The following EYS variants were observed in gnomAD, a reference collection of about 807,000 sequenced individuals.
The protein encoded by EYS is EGF-like photoreceptor maintenance factor.
Under a neutral mutation model 282.1 loss-of-function variants are expected in EYS, and 250 were observed. The ratio of observed to expected loss-of-function variants is 0.89; its 90% CI spans 0.80 to 0.98. EYS has a LOEUF of 0.98. Among genes scored for constraint, EYS ranks in the 50% least tolerant of loss-of-function variants. The pLI is 0.00. For synonymous variants in EYS, 1,355 were observed against 1,282.9 expected, an observed-to-expected ratio of 1.06 and a Z score of -1.20; for missense variants, 4,016 against 3,709.0, an observed-to-expected ratio of 1.08 and a Z score of -2.15.
chr6:63,729,180 G>A (rs1768715391), intron 41 of EYS, among the ~76,000 whole-genome samples: 1 of 152,022 alleles, frequency 6.6e-6, no homozygotes, highest in Non-Finnish European at 1.5e-5. Context: ...GTTAATTTTT[G>A]TGTTGAATTT....
intron 19 of EYS, among the ~76,000 whole-genome samples, chr6:64,847,007 C>A (rs1303996846): frequency 9.8e-6 from 1 of 102,344 alleles, no homozygotes; most frequent in African/African-American, 3.1e-5. Context: ...TATTATCCTC[C>A]CCAGTGTGAA....
chr6:63,976,871 A>C (rs943575718), intron 35 of EYS, among the ~76,000 whole-genome samples: 2 of 152,026 alleles, frequency 1.3e-5, no homozygotes, highest in African/African-American at 4.8e-5. Context: ...TAACCAAAAA[A>C]ATTTTACAGA....
Position 64,246,341 on chromosome 6 carries a change from C to T in EYS, c.6192-15517G>A, listed in dbSNP as rs183894781. ...GCTGGATATTTTTTTAGTTGCCATA[C>T]TACCTGAAATGGAAGTCACAGTTAT... On this transcript the variant is annotated intron_variant, in intron 30 of 42. Coordinates refer to ENST00000503581, the MANE Select transcript of EYS (RefSeq NM_001142800.2). Among the ~76,000 whole-genome samples, 254 of 152,090 alleles carry T rather than the reference C, an allele frequency of 1.7e-3. 1 individual carries two copies. Among genetic ancestry groups the T allele is most frequent in the Non-Finnish European group, 3.0e-3 (203 of 67,994 alleles).
Position 64,618,371 on chromosome 6 carries a change from A to T in EYS, c.3569-838T>A, listed in dbSNP as rs80309940. 7.6e-4 allele frequency among the ~76,000 whole-genome samples: 116 copies of T among 152,208 alleles called. No homozygotes were observed. The East Asian group carries it at 0.015, about 20-fold the overall frequency. The stretch of plus-strand genomic sequence containing the variant: ...GCTAGCCACAACATCATGTTAACCT[A>T]AGTATACCCTTCCACATAGGGACAA... On this transcript the variant is annotated intron_variant, in intron 23 of 42. Transcript: ENST00000503581.
intron 28 of EYS, among the ~76,000 whole-genome samples, chr6:64,420,816 T>C (rs980010874): frequency 4.6e-5 from 7 of 152,180 alleles, no homozygotes; most frequent in African/African-American, 7.2e-5. Context: ...CAATAAGTTC[T>C]TCCTCTCCAT....
intron 19 of EYS, among the ~76,000 whole-genome samples, chr6:64,873,410 T>C (rs1006864788): frequency 4.6e-5 from 7 of 151,990 alleles, no homozygotes; most frequent in African/African-American, 1.7e-4. Flanking sequence ...GTGAAATTAA[T>C]TTTCCACTAC....
chr6:65,438,251 T>A (rs1408921503), intron 5 of EYS, among the ~76,000 whole-genome samples: 2 of 152,032 alleles, frequency 1.3e-5, no homozygotes, highest in Admixed American at 6.6e-5. Flanking sequence ...TAATCCAGTC[T>A]ATCATTGATG....
chr6:64,598,731 G>C (rs1668080431), intron 24 of EYS, among the ~76,000 whole-genome samples: 1 of 151,974 alleles, frequency 6.6e-6, no homozygotes. Context: ...GAAATGAGCT[G>C]GTCAACAAGA....
chr6:64,931,282 T>A (rs1000513936), intron 15 of EYS, among the ~76,000 whole-genome samples: 16 of 152,140 alleles, frequency 1.1e-4, no homozygotes, highest in African/African-American at 3.9e-4. Context: ...TTATGGTATA[T>A]AATTTTCTTC....
At chr6:65,601,883 ATT>A in intron 2 of EYS, among the ~76,000 whole-genome samples, 1 of 152,094 alleles carries the variant, frequency 6.6e-6, no homozygotes, top group South Asian at 2.1e-4. Flanking sequence ...TTAGTTTCAA[ATT>A]TTTGGTTAAT....
intron 19 of EYS, among the ~76,000 whole-genome samples, chr6:64,850,537 A>C (rs925098941): frequency 2.0e-5 from 3 of 152,104 alleles, no homozygotes; most frequent in Non-Finnish European, 4.4e-5. Flanking sequence ...GGCATATTAG[A>C]AAGGGAAATA....
chr6:63,850,657 C>A (rs1772223085), intron 36 of EYS, among the ~76,000 whole-genome samples: 1 of 152,240 alleles, frequency 6.6e-6, no homozygotes, highest in South Asian at 2.1e-4. Context: ...GTCAGCCTTA[C>A]AAGAGCTCCT....
chr6:64,409,800 G>A (rs1773827481), intron 28 of EYS, among the ~76,000 whole-genome samples: 1 of 152,082 alleles, frequency 6.6e-6, no homozygotes, highest in Non-Finnish European at 1.5e-5. Context: ...ATGTTGATAG[G>A]TCTATAGGGT....
intron 2 of EYS, among the ~76,000 whole-genome samples, chr6:65,524,823 C>A (rs1767495876): frequency 6.6e-6 from 1 of 152,180 alleles, no homozygotes; most frequent in African/African-American, 2.4e-5. Context: ...ATAGCAAGAA[C>A]AAAATGCTGC....
chr6:65,386,257 A>G lies in EYS; in HGVS notation c.1185-1757T>C, dbSNP rs75163628. On this transcript the variant is annotated intron_variant, in intron 7 of 42. Transcript: ENST00000503581. ...AGAGACCCCCCAAATACTATCTGCA[A>G]TGTGTGGCTCAGAGAGGTTTGACCC... is the stretch of plus-strand genomic sequence containing the variant. Among the ~76,000 whole-genome samples the G allele has an allele frequency of 6.5e-3, 980 of 151,888 alleles. 16 individuals are homozygous for G. In the East Asian group the frequency reaches 0.073, roughly 11 times the overall value.
At chr6:65,449,023 C>T (rs1277232610) in intron 5 of EYS, among the ~76,000 whole-genome samples, 1 of 152,068 alleles carries the variant, frequency 6.6e-6, no homozygotes, top group East Asian at 1.9e-4. Flanking sequence ...AAGAAACTAA[C>T]ACCCACATCC....
At chr6:64,141,968 C>G (rs2150288604) in intron 31 of EYS, among the ~76,000 whole-genome samples, 1 of 152,262 alleles carries the variant, frequency 6.6e-6, no homozygotes, top group East Asian at 1.9e-4. Context: ...GTCAGTGAAA[C>G]TACCAACCAA....
intron 22 of EYS, among the ~76,000 whole-genome samples, chr6:64,792,518 G>T (rs771770177): frequency 3.3e-5 from 5 of 151,950 alleles, no homozygotes; most frequent in Admixed American, 2.6e-4. Context: ...ACCAAGCTGT[G>T]AAGAGTTAAT....
At chr6:64,154,139 A>C (rs900387647) in intron 31 of EYS, among the ~76,000 whole-genome samples, 1 of 152,148 alleles carries the variant, frequency 6.6e-6, no homozygotes, top group Non-Finnish European at 1.5e-5. Flanking sequence ...CCTCCAGGAA[A>C]GAGGATTTGA....
Sources: gnomAD v4.1 joint callset for allele counts (sites outside exome capture counted in the v4.1 genomes callset) on GRCh38, gnomAD v4.1.1 for gene constraint, MANE v1.5 for transcripts, NCBI Gene and HGNC (gene_info 2026-07-23, HGNC 2026-07-21) for gene names.